Variants in MYO9A observed in about 807,000 individuals in gnomAD.
The protein encoded by MYO9A is myosin IXA.
Under a neutral mutation model 293.3 loss-of-function variants are expected in MYO9A, and 103 were observed. The ratio of observed to expected loss-of-function variants is 0.35; its 90% CI spans 0.30 to 0.41. The LOEUF is 0.41. MYO9A is among the 10% of genes least tolerant of loss of function. The probability of loss-of-function intolerance (pLI) is 1.00; values close to 1 mark genes in which losing one functional copy is unlikely to be tolerated. For missense variants in MYO9A, 2,685 were observed against 3,033.0 expected (o/e 0.89, Z 2.69); for synonymous variants, 1,001 against 1,035.7 (o/e 0.97, Z 0.64).
intron 18 of MYO9A, among the ~76,000 whole-genome samples, chr15:71,923,476 T>A (rs2058210333): frequency 6.6e-6 from 1 of 152,244 alleles, no homozygotes; most frequent in Non-Finnish European, 1.5e-5. Flanking sequence ...AATTGAGCAG[T>A]GAAGCTGTCA....
intron 13 of MYO9A, among the ~76,000 whole-genome samples, chr15:71,965,610 G>C (rs918561074): frequency 6.6e-6 from 1 of 152,124 alleles, no homozygotes; most frequent in Non-Finnish European, 1.5e-5. Flanking sequence ...GCTGGGCGTG[G>C]TGGAGTACGC....
chr15:71,989,528 G>A (rs577500736), intron 11 of MYO9A, among the ~76,000 whole-genome samples: 2 of 152,304 alleles, frequency 1.3e-5, no homozygotes, highest in South Asian at 4.1e-4. Flanking sequence ...GCCATGGGTT[G>A]AATGCTTGGA....
chr15:71,933,632 C>A (rs376088941), intron 18 of MYO9A, 38 bp downstream of exon 18: 17 of 1,556,778 alleles, frequency 1.1e-5, no homozygotes, highest in South Asian at 3.5e-5. Flanking sequence ...AATTGTGTAG[C>A]AGAATACCAA....
chr15:72,109,534 AAAAC>A (rs1160035373), intron 1 of MYO9A, among the ~76,000 whole-genome samples: 1 of 152,192 alleles, frequency 6.6e-6, no homozygotes, highest in African/African-American at 2.4e-5. Context: ...TCTTAATTAT[AAAAC>A]AATAGGGGAG....
chr15:71,902,528 A>G (rs903533090), intron 22 of MYO9A, among the ~76,000 whole-genome samples: 1 of 152,028 alleles, frequency 6.6e-6, no homozygotes, highest in Non-Finnish European at 1.5e-5. Context: ...TTGTAAAAGG[A>G]AAAAAAATCC....
intron 33 of MYO9A, among the ~76,000 whole-genome samples, chr15:71,861,649 G>C (rs2056128180): frequency 1.5e-5 from 2 of 135,216 alleles, no homozygotes; most frequent in Non-Finnish European, 3.1e-5. Context: ...AACTTACTAT[G>C]TGCCATCACC....
chr15:71,928,631 T>C (rs969574168), intron 18 of MYO9A, among the ~76,000 whole-genome samples: 3 of 152,180 alleles, frequency 2.0e-5, no homozygotes, highest in African/African-American at 7.2e-5. Flanking sequence ...TGTTTTATGA[T>C]TTTTTTGTAT....
chr15:72,088,663 A>G (rs536039090), intron 1 of MYO9A, among the ~76,000 whole-genome samples: 37 of 152,314 alleles, frequency 2.4e-4, no homozygotes, highest in African/African-American at 8.9e-4. Context: ...ACCAACAACC[A>G]AAAAGAGCTC....
intron 39 of MYO9A, among the ~76,000 whole-genome samples, chr15:71,839,409 T>A (rs2055063039): frequency 6.6e-6 from 1 of 151,808 alleles, no homozygotes; most frequent in South Asian, 2.1e-4. Flanking sequence ...GTTTTTTTTT[T>A]CTTTCTTTCT....
At chr15:72,052,804 C>A (rs2078605908) in intron 1 of MYO9A, among the ~76,000 whole-genome samples, 1 of 152,144 alleles carries the variant, frequency 6.6e-6, no homozygotes, top group Non-Finnish European at 1.5e-5. Context: ...GTAGAGTGGC[C>A]AAACTCCTCA....
chr15:71,971,185 A>C (rs1244515262), intron 12 of MYO9A, among the ~76,000 whole-genome samples: 1 of 151,628 alleles, frequency 6.6e-6, no homozygotes, highest in African/African-American at 2.4e-5. Context: ...AAAAAAAAAG[A>C]AGTGACATTC....
In MYO9A at chr15:71,827,055, A is replaced by C; in HGVS notation, c.7184-12T>G. On this transcript the variant is annotated splice_polypyrimidine_tract_variant and intron_variant, in intron 41 of 41. Coordinates refer to ENST00000356056, the MANE Select transcript of MYO9A (RefSeq NM_006901.4). Reference sequence around the variant, plus strand: ...GGCTAAGCTTCTTTCTAATGCAAAAAAGAGACCAAAGATGTAAATGACAGT... The same window carrying C: ...GGCTAAGCTTCTTTCTAATGCAAAACAGAGACCAAAGATGTAAATGACAGT... 1 of 1,529,566 alleles carries C rather than the reference A, an allele frequency of 6.5e-7. No homozygotes were observed. The highest frequency in any genetic ancestry group is 8.8e-7 in the Non-Finnish European group (1 of 1,141,222). 94.7% of individuals were successfully genotyped at this position (1,529,566 alleles called of 1,614,324 possible).
At chr15:72,045,272 T>C (rs1425742741) in intron 2 of MYO9A, 1 of 152,700 alleles carries the variant, frequency 6.5e-6, no homozygotes, top group Non-Finnish European at 1.5e-5. Flanking sequence ...GACAATTTTT[T>C]TTTTTTTTGA....
At chr15:71,940,446 C>T (rs1040865213) in intron 15 of MYO9A, among the ~76,000 whole-genome samples, 2 of 151,678 alleles carry the variant, frequency 1.3e-5, no homozygotes, top group African/African-American at 4.8e-5. Context: ...GAGCTGAGGT[C>T]GTGCCACTGC....
At chr15:72,104,238 C>A (rs1596587752) in intron 1 of MYO9A, among the ~76,000 whole-genome samples, 1 of 152,184 alleles carries the variant, frequency 6.6e-6, no homozygotes, top group African/African-American at 2.4e-5. Context: ...TTCTGTCCAA[C>A]TGTAGGCTAA....
At chr15:72,072,184 T>A (rs939170055) in intron 1 of MYO9A, among the ~76,000 whole-genome samples, 2 of 151,418 alleles carry the variant, frequency 1.3e-5, no homozygotes, top group African/African-American at 4.9e-5. Context: ...CAGGCTGGGG[T>A]GCAGTGCCGT....
intron 38 of MYO9A, 84 bp downstream of exon 38, chr15:71,849,952 T>TTCACTATTTTATGAACCCAA: frequency 6.6e-7 from 1 of 1,511,512 alleles, no homozygotes; most frequent in Non-Finnish European, 9.1e-7. Context: ...TATGAACCCA[T>TTCACTATTTTATGAACCCAA]TCACTATGTT....
intron 18 of MYO9A, among the ~76,000 whole-genome samples, chr15:71,928,427 G>GT (rs940081628): frequency 1.3e-5 from 2 of 151,574 alleles, no homozygotes; most frequent in East Asian, 1.9e-4. Flanking sequence ...GCTATTTGGG[G>GT]TTTTTTTGTG....
chr15:71,996,481 T>C (rs2076701683), intron 9 of MYO9A, among the ~76,000 whole-genome samples: 3 of 152,208 alleles, frequency 2.0e-5, no homozygotes, highest in African/African-American at 7.2e-5. Context: ...ATGTCTGTCT[T>C]TCATAGCTTA....
Sources: gnomAD v4.1 joint callset for allele counts (sites outside exome capture counted in the v4.1 genomes callset) on GRCh38, gnomAD v4.1.1 for gene constraint, MANE v1.5 for transcripts, NCBI Gene and HGNC (gene_info 2026-07-23, HGNC 2026-07-21) for gene names.